FAM120A: variants seen among roughly 807,000 people sequenced by gnomAD.
The protein encoded by FAM120A is family with sequence similarity 120 member A, also known as constitutive coactivator of PPAR-gamma-like protein 1.
FAM120A carries 15 observed loss-of-function variants against 109.7 expected under a neutral mutation model. That is an observed-to-expected ratio of 0.14 (90% CI 0.09 to 0.21). The LOEUF is 0.21. FAM120A is among the 10% of genes least tolerant of loss of function. The pLI, the probability that FAM120A is intolerant of heterozygous loss-of-function variation, is 1.00. For missense variants in FAM120A, 899 were observed against 1,439.3 expected (o/e 0.62, Z 6.07); for synonymous variants, 493 against 572.8 (o/e 0.86, Z 1.99).
At chr9:93,471,068 A>G (rs1858290173) in intron 1 of FAM120A, 73 bp from the exon 2 acceptor site, 2 of 1,536,202 alleles carry the variant, frequency 1.3e-6, no homozygotes, top group African/African-American at 2.8e-5. Flanking sequence ...CTTCTGTGCA[A>G]ACATTTCTGC....
intron 5 of FAM120A, among the ~76,000 whole-genome samples, chr9:93,509,840 T>G (rs1391604529): frequency 6.6e-6 from 1 of 152,220 alleles, no homozygotes; most frequent in African/African-American, 2.4e-5. Context: ...TGCTTCAGGC[T>G]TTTCTAAAAG....
At chr9:93,522,087 A>G (rs1343958834) in intron 7 of FAM120A, among the ~76,000 whole-genome samples, 1 of 152,250 alleles carries the variant, frequency 6.6e-6, no homozygotes, top group Non-Finnish European at 1.5e-5. Context: ...TTAAAAAACA[A>G]AACAAAACAA....
intron 3 of FAM120A, among the ~76,000 whole-genome samples, chr9:93,477,582 G>A (rs1290565501): frequency 2.0e-5 from 3 of 152,230 alleles, no homozygotes; most frequent in Admixed American, 6.5e-5. Flanking sequence ...GAAATGCAGC[G>A]TGTAATCAGC....
chr9:93,464,192 A>G (rs1476063341), intron 1 of FAM120A, among the ~76,000 whole-genome samples: 5 of 152,206 alleles, frequency 3.3e-5, no homozygotes, highest in African/African-American at 1.2e-4. Context: ...CAGAATTAAT[A>G]AACAATTATA....
intron 7 of FAM120A, among the ~76,000 whole-genome samples, chr9:93,519,667 T>G (rs1176703157): frequency 1.3e-5 from 2 of 152,136 alleles, no homozygotes; most frequent in African/African-American, 4.8e-5. Context: ...TCTCCTGTCT[T>G]CTGTAGTGTA....
chr9:93,517,862 T>TG (rs1860668379), intron 7 of FAM120A, among the ~76,000 whole-genome samples: 1 of 152,172 alleles, frequency 6.6e-6, no homozygotes, highest in Admixed American at 6.5e-5. Context: ...GAGCTGAACT[T>TG]GGAGTGAGTA....
In FAM120A at chr9:93,537,640, T is replaced by C. The variant is rs184215006; in HGVS notation, c.1909+5311T>C. ...AGATTTTCCTATATTGATTCCTGTATTTTTAAACCACCAAGAAAAGCCGAA... is the reference window on the plus strand; with the variant it reads ...AGATTTTCCTATATTGATTCCTGTACTTTTAAACCACCAAGAAAAGCCGAA... On this transcript the variant is annotated intron_variant, in intron 10 of 17. Coordinates refer to ENST00000277165, the MANE Select transcript of FAM120A (RefSeq NM_014612.5). Among the ~76,000 whole-genome samples, 671 of 152,316 alleles carry C rather than the reference T, an allele frequency of 4.4e-3. 2 individuals are homozygous for C. The highest frequency in any genetic ancestry group is 7.2e-3 in the Non-Finnish European group (491 of 68,026).
In FAM120A at chr9:93,543,227, C is replaced by T; in HGVS notation, c.1915C>T (p.Pro639Ser). The change falls in exon 11 of 18, where the codon CCA becomes TCA. Residue 639 changes from proline to serine, a missense_variant. This residue lies in a region of FAM120A where 133 missense variants were observed against 276.6 expected (regional missense o/e 0.48). Transcript: ENST00000277165. ...CTGGCTTTTTTTTCCTGTAGTTTCA[C>T]CAGTGATCATTAAAGAATGGGCAGC... ...RKNRLPPEFS[P>S]VIIKEWAAYK... The T allele has an allele frequency of 6.2e-7, 1 of 1,613,688 alleles. No individual in the cohort carries two copies. The highest frequency in any genetic ancestry group is 1.1e-5 in the South Asian group (1 of 91,060).
chr9:93,457,505 A>G (rs1464944901), intron 1 of FAM120A, among the ~76,000 whole-genome samples: 19 of 152,154 alleles, frequency 1.2e-4, no homozygotes, highest in Non-Finnish European at 1.5e-5. Context: ...TTCAGTCCCT[A>G]AATAGTATTC....
chr9:93,545,816 T>A (rs1363301294), intron 11 of FAM120A, among the ~76,000 whole-genome samples: 1 of 121,992 alleles, frequency 8.2e-6, no homozygotes, highest in East Asian at 2.2e-4. Context: ...TGAGACGGAG[T>A]TTTTTGCTCT....
At chr9:93,562,444 C>T (rs921756015) in intron 17 of FAM120A, 140 bp downstream of exon 17, 2 of 640,804 alleles carry the variant, frequency 3.1e-6, no homozygotes, top group African/African-American at 3.6e-5. Context: ...AACACAGTAA[C>T]TGGCACACAG....
Position 93,452,606 on chromosome 9 carries a change from G to T in FAM120A, c.474+217G>T. 6.3e-7 allele frequency: 1 copy of T among 1,598,978 alleles called. No homozygotes were observed. The highest frequency in any genetic ancestry group is 8.5e-7 in the Non-Finnish European group (1 of 1,179,704). On this transcript the variant is annotated intron_variant, in intron 1 of 17. Coordinates refer to ENST00000277165, the MANE Select transcript of FAM120A (RefSeq NM_014612.5). This position sits in a 1 kb window ranked among gnomAD's most constrained non-coding sequence, Gnocchi z 7.0. ...AGCCCGTCTCCAGCTGTCCCTGTTC[G>T]GGGTCCGCGGCCGCGTGGGGACACT...
At chr9:93,477,934 G>A (rs967386505) in intron 3 of FAM120A, among the ~76,000 whole-genome samples, 1 of 152,108 alleles carries the variant, frequency 6.6e-6, no homozygotes. Flanking sequence ...ATGTGTATCC[G>A]TATATCCCCC....
chr9:93,529,208 G>T, intron 8 of FAM120A, 145 bp from the exon 9 acceptor site: 1 of 644,686 alleles, frequency 1.6e-6, no homozygotes, highest in Non-Finnish European at 2.6e-6. Context: ...TCTGTCTTTA[G>T]GGTGGCACCA....
chr9:93,471,480 A>G lies in FAM120A; in HGVS notation c.721+93A>G, dbSNP rs1858312234. 2.7e-6 allele frequency: 4 copies of G among 1,496,190 alleles called. No homozygotes were observed. The South Asian group carries it at 3.7e-5, about 14-fold the overall frequency. 92.7% of individuals were successfully genotyped at this position (1,496,190 alleles called of 1,614,324 possible). ...GTGTTTCTGTGCTTGAATGTTTTGG[A>G]TATGTATCACACATTGAAAAGAACC... is the stretch of plus-strand genomic sequence containing the variant. On this transcript the variant is annotated intron_variant, in intron 2 of 17. Transcript: ENST00000277165.
intron 1 of FAM120A, among the ~76,000 whole-genome samples, chr9:93,453,923 C>T (rs1408237004): frequency 6.6e-6 from 1 of 152,212 alleles, no homozygotes; most frequent in Non-Finnish European, 1.5e-5. Context: ...AACCGCACAG[C>T]TCTCTACTTA....
intron 3 of FAM120A, among the ~76,000 whole-genome samples, chr9:93,482,184 A>ATTTTTT (rs386415495): frequency 0.013 from 1,535 of 118,072 alleles, 22 homozygotes; most frequent in Non-Finnish European, 0.019. Context: ...ATTCACCTCC[A>ATTTTTT]TTTTTTTTTT....
Position 93,471,290 on chromosome 9 carries a change from C to T in FAM120A, c.624C>T (p.Asn208=), listed in dbSNP as rs147270846. ...CCCATGCCCTAAAACTGAGCCGGAACGGGAAAAGTCTCACCACAAGCCAAT... is the reference window on the plus strand; with the variant it reads ...CCCATGCCCTAAAACTGAGCCGGAATGGGAAAAGTCTCACCACAAGCCAAT... ...FSAHALKLSR[N]GKSLTTSQYL... is the part of the protein sequence containing the mutation. Residue 208 remains asparagine, a synonymous_variant, in exon 2 of 18, where the codon AAC becomes AAT. Transcript: ENST00000277165. 3.6e-5 allele frequency: 58 copies of T among 1,614,036 alleles called. No homozygotes were observed. Among genetic ancestry groups the T allele is most frequent in the South Asian group, 1.3e-4 (12 of 91,084 alleles).
At position 93,543,489 on chromosome 9, in the gene FAM120A, G is replaced by T; in HGVS notation, c.2159+18G>T. On this transcript the variant is annotated intron_variant, in intron 11 of 17. Transcript: ENST00000277165. ...GTCTTACGGTGGGTGCCATGCATGGGAGCTGGGACCTGGGTCCCCGCCAGG... is the reference window on the plus strand; with the variant it reads ...GTCTTACGGTGGGTGCCATGCATGGTAGCTGGGACCTGGGTCCCCGCCAGG... 6.2e-7 allele frequency: 1 copy of T among 1,608,464 alleles called. No homozygotes were observed. The highest frequency in any genetic ancestry group is 1.7e-5 in the Admixed American group (1 of 59,856).
Sources: allele counts gnomAD v4.1 joint callset (sites outside exome capture counted in the v4.1 genomes callset), GRCh38; gene constraint gnomAD v4.1.1; regional missense constraint gnomAD v4.1.1; non-coding constraint Gnocchi (gnomAD v3.1); transcripts MANE v1.5; gene names NCBI Gene and HGNC (gene_info 2026-07-23, HGNC 2026-07-21).